The following NINL variants were observed in gnomAD, a reference collection of about 807,000 sequenced individuals.
NINL encodes ninein like.
NINL carries 153 observed loss-of-function variants against 160.3 expected under a neutral mutation model. The observed-to-expected ratio is 0.95, with a 90% CI of 0.84 to 1.09. The LOEUF is 1.09. NINL is among the 50% of genes least tolerant of loss of function. The pLI, the probability that NINL is intolerant of heterozygous loss-of-function variation, is 0.00. For synonymous variants in NINL, 800 were observed against 734.8 expected (o/e 1.09, Z -1.43); for missense variants, 1,829 against 1,764.0 (o/e 1.04, Z -0.66).
intron 1 of NINL, among the ~76,000 whole-genome samples, chr20:25,581,474 G>T (rs1260347544): frequency 6.7e-6 from 1 of 149,810 alleles, no homozygotes; most frequent in Non-Finnish European, 1.5e-5. Context: ...AAAGGTAAAT[G>T]TCCACCATAG....
At chr20:25,481,506 G>A (rs1040132813) in intron 14 of NINL, among the ~76,000 whole-genome samples, 1 of 152,158 alleles carries the variant, frequency 6.6e-6, no homozygotes, top group Non-Finnish European at 1.5e-5. Flanking sequence ...AGGTGGGGCC[G>A]CTCCCTTAGT....
Position 25,501,092 on chromosome 20 carries a change from C to T in NINL, c.862-82G>A. The T allele has an allele frequency of 2.0e-6, 3 of 1,498,824 alleles. No homozygotes were observed. The East Asian group carries it at 7.3e-5, about 37-fold the overall frequency. 92.8% of individuals were successfully genotyped at this position (1,498,824 alleles called of 1,614,324 possible). A position where few individuals can be genotyped will look rare whatever the true frequency, so the allele number is the denominator to read the frequency against. On this transcript the variant is annotated intron_variant, in intron 7 of 23. Coordinates refer to ENST00000278886, the MANE Select transcript of NINL (RefSeq NM_025176.6). Reference sequence around the variant, plus strand: ...CTGCTGATGTGCTCTCCACCCTCCCCAGCCTGTGCTCAGAGGGCCTCACAG... The same window carrying T: ...CTGCTGATGTGCTCTCCACCCTCCCTAGCCTGTGCTCAGAGGGCCTCACAG...
At chr20:25,511,291 G>A (rs930307339) in intron 4 of NINL, among the ~76,000 whole-genome samples, 7 of 152,154 alleles carry the variant, frequency 4.6e-5, no homozygotes, top group Non-Finnish European at 8.8e-5. Context: ...ATAGCACAGC[G>A]CCTGGTAACC....
chr20:25,508,481 T>G (rs1229240410), intron 5 of NINL, among the ~76,000 whole-genome samples: 1 of 152,222 alleles, frequency 6.6e-6, no homozygotes, highest in Non-Finnish European at 1.5e-5. Flanking sequence ...GCAAAGGGAA[T>G]GGCGGGGCAC....
chr20:25,493,037 C>G (rs552244607), intron 10 of NINL, among the ~76,000 whole-genome samples: 1 of 152,276 alleles, frequency 6.6e-6, no homozygotes, highest in Non-Finnish European at 1.5e-5. Flanking sequence ...AGCTTAGCAC[C>G]TCGAATGCAT....
In NINL at chr20:25,482,060, T is replaced by C; in HGVS notation, c.1718A>G (p.Glu573Gly). 1 of 1,598,308 alleles carries C rather than the reference T, an allele frequency of 6.3e-7. No individual in the cohort carries two copies. Among genetic ancestry groups the C allele is most frequent in the Non-Finnish European group, 8.5e-7 (1 of 1,179,562 alleles). ...DRNDELQAEL[E>G]GLWARLPKNR... ...CTTGGGCAGCCGCGCCCACAGGCCT[T>C]CCAGCTCAGCTTGCAGCTCATCGTT... The change falls in exon 14 of 24, where the codon GAA becomes GGA. Residue 573 changes from glutamate to glycine, a missense_variant. Glu to Gly is a moderately conservative substitution (Grantham distance 98). Coordinates refer to ENST00000278886, the MANE Select transcript of NINL (RefSeq NM_025176.6).
intron 1 of NINL, among the ~76,000 whole-genome samples, chr20:25,561,521 G>A (rs2064937413): frequency 6.6e-6 from 1 of 151,428 alleles, no homozygotes; most frequent in Admixed American, 6.6e-5. Flanking sequence ...GAGCCCCTCT[G>A]CCTGGCTGCC....
At chr20:25,480,341 A>G (rs1202869007) in intron 14 of NINL, 74 bp from the exon 15 acceptor site, 7 of 1,160,350 alleles carry the variant, frequency 6.0e-6, no homozygotes, top group East Asian at 4.8e-5. Context: ...TTCCAATCTG[A>G]TATTTTGGCA....
chr20:25,493,817 G>A (rs535075718), intron 10 of NINL, among the ~76,000 whole-genome samples: 10 of 150,192 alleles, frequency 6.7e-5, no homozygotes, highest in Admixed American at 2.0e-4. Context: ...CAGGGAACTC[G>A]GGCCTTGAGG....
At chr20:25,584,591 C>T (rs1568979766) in intron 1 of NINL, among the ~76,000 whole-genome samples, 1 of 152,206 alleles carries the variant, frequency 6.6e-6, no homozygotes, top group Admixed American at 6.5e-5. Context: ...TTACTCATGA[C>T]CCCTCTTACT....
rs761720602 is a variant in NINL, at chr20:25,479,030, C to T, written c.2094G>A (p.Gln698=). 1 of 1,610,750 alleles carries T rather than the reference C, an allele frequency of 6.2e-7. No individual in the cohort carries two copies. The highest frequency in any genetic ancestry group is 2.2e-5 in the East Asian group (1 of 44,864). The change falls in exon 16 of 24, where the codon CAG becomes CAA. Residue 698 remains glutamine (Q), a synonymous_variant. Transcript: ENST00000278886. The part of the protein sequence containing the change: ...EVIWGLQEQL[Q]DTARGPEPEQ... ...CAGGCTCGGGGCCGCGGGCTGTGTC[C>T]TGCAGCTGCTCCTGCAGGCCCCAGA... is the stretch of plus-strand genomic sequence containing the variant.
intron 22 of NINL, 45 bp from the exon 23 acceptor site, chr20:25,455,831 G>A (rs769354648): frequency 3.3e-6 from 5 of 1,504,284 alleles, no homozygotes; most frequent in Admixed American, 1.7e-5. Flanking sequence ...GGTGGCTCAC[G>A]CCTCTAATCC....
At chr20:25,524,675 AT>A (rs1231207245) in intron 2 of NINL, among the ~76,000 whole-genome samples, 1 of 152,208 alleles carries the variant, frequency 6.6e-6, no homozygotes, top group African/African-American at 2.4e-5. Context: ...TGATGCTCTA[AT>A]ACCAATCATG....
At chr20:25,576,552 G>A (rs770349609) in intron 1 of NINL, among the ~76,000 whole-genome samples, 5 of 152,102 alleles carry the variant, frequency 3.3e-5, no homozygotes, top group Admixed American at 2.0e-4. Context: ...TCCACTTCCC[G>A]TGCTCAAGTG....
intron 18 of NINL, 78 bp downstream of exon 18, chr20:25,469,913 A>G: frequency 1.1e-6 from 1 of 930,102 alleles, no homozygotes; most frequent in South Asian, 1.3e-5. Flanking sequence ...CCCACTGTCT[A>G]TATGGAGACT....
At chr20:25,499,051 C>T (rs2063815675) in intron 8 of NINL, 1 of 985,470 alleles carries the variant, frequency 1.0e-6, no homozygotes, top group South Asian at 4.7e-5. Context: ...GCTACAAACG[C>T]CCTGCTCAGG....
rs1601195795 is a variant in NINL, at chr20:25,514,451, G to T, written c.278-1445C>A. On this transcript the variant is annotated intron_variant, in intron 3 of 23. Coordinates refer to ENST00000278886, the MANE Select transcript of NINL (RefSeq NM_025176.6). ...CTGAAACTAAAACATATTTAAAAGG[G>T]AAGCAAAGTGTGAAAGTTTGGAAAA... Among the ~76,000 whole-genome samples the T allele has an allele frequency of 1.3e-5, 2 of 152,334 alleles. 1 individual carries two copies. Among genetic ancestry groups the T allele is most frequent in the Middle Eastern group, 6.8e-3 (2 of 294 alleles).
At position 25,476,512 on chromosome 20, in the gene NINL, C is replaced by T. The variant is rs748452324; in HGVS notation, c.2779G>A (p.Gly927Ser). 3.7e-6 allele frequency: 6 copies of T among 1,602,434 alleles called. No homozygotes were observed. The highest frequency in any genetic ancestry group is 1.7e-5 in the Admixed American group (1 of 59,978). Reference protein sequence around the residue: ...DIVPKEPEPFGASAAGLEQPG... With the variant: ...DIVPKEPEPFSASAAGLEQPG... ...TGCTCCAGCCCCGCTGCGCTCGCGC[C>T]GAAAGGCTCTGGCTCCTTTGGGACA... The change falls in exon 17 of 24, where the codon GGC becomes AGC. Residue 927 changes from glycine (G) to serine (S), a missense_variant. Physicochemically the swap from Gly to Ser is moderately conservative, Grantham distance 56 (BLOSUM62 0). Transcript: ENST00000278886.
intron 1 of NINL, among the ~76,000 whole-genome samples, chr20:25,565,162 G>A (rs1275340584): frequency 1.3e-5 from 2 of 152,094 alleles, no homozygotes; most frequent in African/African-American, 4.8e-5. Flanking sequence ...GGTGGAGAGA[G>A]AGAAAAAAAT....
Sources: gnomAD v4.1 joint callset for allele counts (sites outside exome capture counted in the v4.1 genomes callset) on GRCh38, gnomAD v4.1.1 for gene constraint, MANE v1.5 for transcripts, NCBI Gene and HGNC (gene_info 2026-07-23, HGNC 2026-07-21) for gene names.